The following EPHB1 variants were observed in gnomAD, a reference collection of about 807,000 sequenced individuals.
EPHB1 encodes EPH receptor B1, also known as ephrin type-B receptor 1.
A neutral mutation model predicts 94.4 loss-of-function variants in EPHB1; 30 were observed. The ratio of observed to expected loss-of-function variants is 0.32; its 90% CI spans 0.24 to 0.43. EPHB1 has a LOEUF of 0.43. EPHB1 is among the 20% of genes least tolerant of loss of function. The probability of loss-of-function intolerance (pLI) is 1.00; values close to 1 mark genes in which losing one functional copy is unlikely to be tolerated. For missense variants in EPHB1, 1,055 were observed against 1,308.3 expected (o/e 0.81, Z 2.99); for synonymous variants, 522 against 489.1 (o/e 1.07, Z -0.89).
chr3:135,200,505 AC>A (rs1220997627), intron 11 of EPHB1, among the ~76,000 whole-genome samples: 1 of 152,218 alleles, frequency 6.6e-6, no homozygotes, highest in Admixed American at 6.5e-5. Context: ...CCCTGGGATT[AC>A]CCAGAGAAGG....
intron 3 of EPHB1, among the ~76,000 whole-genome samples, chr3:135,046,333 T>C (rs1576342820): frequency 1.3e-5 from 2 of 152,342 alleles, no homozygotes. Context: ...CTTCTATTAC[T>C]AGCTGGTCAC....
chr3:135,103,797 T>C (rs564407174), intron 3 of EPHB1, among the ~76,000 whole-genome samples: 61 of 152,160 alleles, frequency 4.0e-4, no homozygotes, highest in African/African-American at 1.4e-3. Flanking sequence ...CAAGCTTCTC[T>C]CCCTGATGTC....
intron 3 of EPHB1, among the ~76,000 whole-genome samples, chr3:135,015,018 T>G (rs1466793271): frequency 2.0e-5 from 3 of 152,158 alleles, no homozygotes; most frequent in African/African-American, 7.2e-5. Context: ...TGCAGGTGTG[T>G]GTGGAGGAGA....
At chr3:135,021,386 A>G (rs1421832631) in intron 3 of EPHB1, among the ~76,000 whole-genome samples, 1 of 151,674 alleles carries the variant, frequency 6.6e-6, no homozygotes, top group African/African-American at 2.4e-5. Flanking sequence ...AATTTTTTCT[A>G]TTTCTGTGCC....
chr3:135,239,711 C>G (rs1028316579), intron 12 of EPHB1, among the ~76,000 whole-genome samples: 1 of 152,210 alleles, frequency 6.6e-6, no homozygotes, highest in Non-Finnish European at 1.5e-5. Flanking sequence ...GCTGTCTGCT[C>G]TATGCTCACC....
chr3:135,167,648 C>A (rs1177326057), intron 9 of EPHB1, among the ~76,000 whole-genome samples: 1 of 152,192 alleles, frequency 6.6e-6, no homozygotes, highest in Admixed American at 6.5e-5. Flanking sequence ...ATAATGACAA[C>A]ATTGCAGGAT....
At chr3:134,889,654 C>T (rs1253244443) in intron 1 of EPHB1, among the ~76,000 whole-genome samples, 2 of 150,366 alleles carry the variant, frequency 1.3e-5, no homozygotes, top group East Asian at 2.0e-4. Flanking sequence ...TGAAAGTTTT[C>T]CTGGTTATTC....
intron 3 of EPHB1, among the ~76,000 whole-genome samples, chr3:135,098,953 CG>C (rs1244710047): frequency 2.4e-5 from 3 of 126,122 alleles, no homozygotes; most frequent in African/African-American, 9.1e-5. Flanking sequence ...GCGGAGGTTG[CG>C]GTGAGCAGAG....
intron 4 of EPHB1, among the ~76,000 whole-genome samples, chr3:135,120,135 G>C (rs960872814): frequency 2.0e-5 from 3 of 152,154 alleles, no homozygotes; most frequent in Non-Finnish European, 4.4e-5. Context: ...CAACCAGCTT[G>C]ACAAATGTCA....
chr3:134,948,194 G>A (rs1470874786), intron 2 of EPHB1, among the ~76,000 whole-genome samples: 2 of 152,028 alleles, frequency 1.3e-5, no homozygotes, highest in Non-Finnish European at 2.9e-5. Flanking sequence ...AAGAACTCTG[G>A]CTGTGACCAG....
At chr3:135,014,810 G>C (rs886346680) in intron 3 of EPHB1, among the ~76,000 whole-genome samples, 3 of 152,198 alleles carry the variant, frequency 2.0e-5, no homozygotes, top group Non-Finnish European at 4.4e-5. Flanking sequence ...CCACAGTGAT[G>C]GCCCACCTGG....
At chr3:134,857,194 C>T (rs2037140797) in intron 1 of EPHB1, among the ~76,000 whole-genome samples, 1 of 152,166 alleles carries the variant, frequency 6.6e-6, no homozygotes, top group African/African-American at 2.4e-5. Flanking sequence ...AGTGCTGACC[C>T]CACAGCCAGC....
chr3:135,229,901 G>T (rs1943491660), intron 12 of EPHB1, among the ~76,000 whole-genome samples: 1 of 152,336 alleles, frequency 6.6e-6, no homozygotes, highest in Admixed American at 6.5e-5. Flanking sequence ...GTGACCAAGG[G>T]TTGTTGGGGA....
At chr3:135,188,681 CA>C (rs1366598410) in intron 10 of EPHB1, among the ~76,000 whole-genome samples, 4 of 152,196 alleles carry the variant, frequency 2.6e-5, no homozygotes. Context: ...CGCCAACATC[CA>C]ATGTCTCAGG....
At chr3:135,241,796 A>G (rs1559887799) in intron 13 of EPHB1, among the ~76,000 whole-genome samples, 1 of 152,150 alleles carries the variant, frequency 6.6e-6, no homozygotes. Context: ...AAAGAGAGTA[A>G]TTGGAAAGGG....
chr3:135,012,989 A>C (rs1003020921), intron 3 of EPHB1, among the ~76,000 whole-genome samples: 6 of 152,172 alleles, frequency 3.9e-5, no homozygotes, highest in African/African-American at 1.4e-4. Flanking sequence ...AAGGTAACCA[A>C]AATCTGCCTT....
At chr3:135,183,017 TTTCTTTTCTTTTC>T (rs1429861108) in intron 10 of EPHB1, among the ~76,000 whole-genome samples, 1 of 60,928 alleles carries the variant, frequency 1.6e-5, no homozygotes, top group African/African-American at 6.2e-5. Flanking sequence ...TTTCTTTTCT[TTTCTTTTCTTTTC>T]TTTCTTTCTT....
chr3:135,101,941 C>A (rs1293657972), intron 3 of EPHB1, among the ~76,000 whole-genome samples: 2 of 152,172 alleles, frequency 1.3e-5, no homozygotes, highest in African/African-American at 4.8e-5. Flanking sequence ...ACCTCCCTCA[C>A]CAGGAAGGGA....
At chr3:135,220,182 G>A (rs889441372) in intron 12 of EPHB1, among the ~76,000 whole-genome samples, 3 of 152,160 alleles carry the variant, frequency 2.0e-5, no homozygotes, top group African/African-American at 7.2e-5. Context: ...AAGAGAGAGT[G>A]AGTCCAAGTC....
Sources: allele counts gnomAD v4.1 joint callset (sites outside exome capture counted in the v4.1 genomes callset), GRCh38; gene constraint gnomAD v4.1.1; transcripts MANE v1.5; gene names NCBI Gene and HGNC (gene_info 2026-07-23, HGNC 2026-07-21).